TLE4: variants seen among roughly 807,000 people sequenced by gnomAD.
TLE4 encodes the protein transducin-like enhancer protein 4.
TLE4 carries 8 observed loss-of-function variants against 92.8 expected under a neutral mutation model. That is an observed-to-expected ratio of 0.09 (90% confidence interval 0.05 to 0.16). The LOEUF is 0.16. Ranked by LOEUF, TLE4 falls within the 10% of genes least tolerant of loss-of-function variation. The pLI is 1.00. For synonymous variants in TLE4, 371 were observed against 374.1 expected (o/e 0.99, Z 0.10); for missense variants, 675 against 997.6 (o/e 0.68, Z 4.36).
Position 79,639,614 on chromosome 9 carries a change from G to A in TLE4, c.390+12166G>A, listed in dbSNP as rs528197684. On this transcript the variant is annotated intron_variant, in intron 6 of 19. Coordinates refer to ENST00000376552, the MANE Select transcript of TLE4 (RefSeq NM_007005.6). The stretch of plus-strand genomic sequence containing the variant: ...TTTATGATAAGTGCTTTATATAGGT[G>A]TACCATTTTTTATCTTTTATACTGT... Among the ~76,000 whole-genome samples, 6 of 152,120 alleles carry A rather than the reference G, an allele frequency of 3.9e-5. No homozygotes were observed. The East Asian group carries it at 9.7e-4, about 25-fold the overall frequency.
chr9:79,634,794 G>A (rs1257638815), intron 6 of TLE4, among the ~76,000 whole-genome samples: 1 of 152,174 alleles, frequency 6.6e-6, no homozygotes, highest in Non-Finnish European at 1.5e-5. Flanking sequence ...AGGCATTTGT[G>A]ATTTGTCCAT....
At chr9:79,654,032 C>G in intron 7 of TLE4, 27 bp from the exon 8 acceptor site, 2 of 1,613,354 alleles carry the variant, frequency 1.2e-6, no homozygotes, top group Non-Finnish European at 1.7e-6. Context: ...ACTTTATCTG[C>G]TTGTGTTGCT....
chr9:79,606,799 C>T (rs1273872010), intron 4 of TLE4, among the ~76,000 whole-genome samples: 3 of 152,228 alleles, frequency 2.0e-5, no homozygotes, highest in Admixed American at 6.5e-5. Flanking sequence ...GGATTGGTCC[C>T]AAGTCTTTGC....
intron 4 of TLE4, among the ~76,000 whole-genome samples, chr9:79,593,110 A>G (rs2132382467): frequency 6.6e-6 from 1 of 152,288 alleles, no homozygotes; most frequent in Non-Finnish European, 1.5e-5. Context: ...CAGCAGTGAT[A>G]GTAAGGAAAG....
chr9:79,613,957 TCTC>T lies in TLE4; in HGVS notation c.315+1245_315+1247del, dbSNP rs564944830. Among the ~76,000 whole-genome samples the T allele has an allele frequency of 1.3e-4, 20 of 152,214 alleles. No individual in the cohort carries two copies. In the East Asian group the frequency reaches 3.9e-3, roughly 29 times the overall value. On this transcript the variant is annotated intron_variant, in intron 5 of 19. Transcript: ENST00000376552. ...GATAAACAAAGGGTATGTTGTCTTTTCTCCTCCTTTAGCTGTGACCACAAAACC... is the reference window on the plus strand; with the variant it reads ...GATAAACAAAGGGTATGTTGTCTTTTCTCCTTTAGCTGTGACCACAAAACC...
chr9:79,652,758 G>C lies in TLE4; in HGVS notation c.556G>C (p.Asp186His). The C allele has an allele frequency of 6.2e-7, 1 of 1,614,164 alleles. No individual in the cohort carries two copies. Among genetic ancestry groups the C allele is most frequent in the Non-Finnish European group, 8.5e-7 (1 of 1,180,028 alleles). Residue 186 changes from aspartate to histidine, a missense_variant, in exon 7 of 20, where the codon GAT becomes CAT. Coordinates refer to ENST00000376552, the MANE Select transcript of TLE4 (RefSeq NM_007005.6). Reference protein sequence around the residue: ...LGGQSHLPIKDEKKHHDNDHQ... With the variant: ...LGGQSHLPIKHEKKHHDNDHQ... ...AGGTCAGTCCCATCTTCCAATTAAA[G>C]ATGAGAAGAAGCACCATGACAATGA...
intron 8 of TLE4, among the ~76,000 whole-genome samples, chr9:79,666,886 A>G (rs1277253235): frequency 6.6e-6 from 1 of 152,250 alleles, no homozygotes; most frequent in Non-Finnish European, 1.5e-5. Context: ...AAGAGTCCAA[A>G]TGGAGGCCCT....
chr9:79,682,817 A>G (rs984365993), intron 8 of TLE4, among the ~76,000 whole-genome samples: 6 of 152,208 alleles, frequency 3.9e-5, no homozygotes, highest in African/African-American at 1.4e-4. Context: ...CACAGCCATT[A>G]TCTCACCTCC....
intron 6 of TLE4, among the ~76,000 whole-genome samples, chr9:79,633,932 G>T (rs1172868749): frequency 1.3e-5 from 2 of 152,140 alleles, no homozygotes; most frequent in Non-Finnish European, 2.9e-5. Context: ...ACTTAGGTGA[G>T]GTTTTTAAGG....
intron 8 of TLE4, among the ~76,000 whole-genome samples, chr9:79,680,217 A>G (rs2064219755): frequency 6.7e-6 from 1 of 150,374 alleles, no homozygotes; most frequent in Non-Finnish European, 1.5e-5. Flanking sequence ...CAGTATGGCC[A>G]TTTTCATGAT....
At chr9:79,706,713 T>C (rs1446769090) in intron 10 of TLE4, 34 bp from the exon 11 acceptor site, 1 of 1,599,522 alleles carries the variant, frequency 6.3e-7, no homozygotes, top group Non-Finnish European at 8.5e-7. Context: ...AAATGTGCTG[T>C]GCTTGCATTA....
chr9:79,673,696 A>G (rs533166239), intron 8 of TLE4, among the ~76,000 whole-genome samples: 1 of 152,320 alleles, frequency 6.6e-6, no homozygotes, highest in African/African-American at 2.4e-5. Context: ...TGCATTTAAC[A>G]GAGTAATTTC....
At chr9:79,671,478 G>A (rs1224852682) in intron 8 of TLE4, 1 of 308,872 alleles carries the variant, frequency 3.2e-6, no homozygotes, top group Non-Finnish European at 6.7e-6. Flanking sequence ...CTCCAGTGTT[G>A]TAAACCATAA....
At chr9:79,709,842 C>A in intron 14 of TLE4, 143 bp downstream of exon 14, 1 of 622,498 alleles carries the variant, frequency 1.6e-6, no homozygotes, top group Non-Finnish European at 2.6e-6. Flanking sequence ...TTTTCATTTT[C>A]TCTTAGCACA....
At chr9:79,667,134 C>G (rs915730685) in intron 8 of TLE4, among the ~76,000 whole-genome samples, 3 of 152,188 alleles carry the variant, frequency 2.0e-5, no homozygotes, top group Admixed American at 6.5e-5. Context: ...CTTGATCTAA[C>G]CCTGGGAGGC....
Position 79,708,760 on chromosome 9 carries a change from G to A in TLE4, c.1237G>A (p.Ala413Thr). 1 of 1,607,768 alleles carries A rather than the reference G, an allele frequency of 6.2e-7. No individual in the cohort carries two copies. The highest frequency in any genetic ancestry group is 8.5e-7 in the Non-Finnish European group (1 of 1,179,964). ...CGCAGCTGCTGCCGCCGCCGCTGCT[G>A]CTGCTGCCTATGGGAGATCACCAGT... is the stretch of plus-strand genomic sequence containing the variant. ...MSAAAAAAAAAAAYGRSPVVG... is the reference protein window; with the variant it reads ...MSAAAAAAAATAAYGRSPVVG... The change falls in exon 13 of 20, where the codon GCT (alanine) becomes ACT (threonine). Residue 413 changes from alanine to threonine, a missense_variant. Transcript: ENST00000376552.
At chr9:79,669,149 G>A (rs1266145460) in intron 8 of TLE4, among the ~76,000 whole-genome samples, 4 of 152,094 alleles carry the variant, frequency 2.6e-5, no homozygotes, top group African/African-American at 9.7e-5. Flanking sequence ...CCAAATGAAA[G>A]TTCCCCTTGA....
At chr9:79,643,364 A>C (rs1032677812) in intron 6 of TLE4, among the ~76,000 whole-genome samples, 2 of 152,240 alleles carry the variant, frequency 1.3e-5, no homozygotes, top group Admixed American at 6.5e-5. Flanking sequence ...CTGTATAAGC[A>C]TAATACCATT....
intron 8 of TLE4, among the ~76,000 whole-genome samples, chr9:79,662,203 C>A (rs139693960): frequency 1.4e-3 from 207 of 152,254 alleles, no homozygotes; most frequent in African/African-American, 4.6e-3. Flanking sequence ...ATGAGGAATT[C>A]TTTTTCATGG....
Sources: gnomAD v4.1 joint callset for allele counts (sites outside exome capture counted in the v4.1 genomes callset) on GRCh38, gnomAD v4.1.1 for gene constraint, MANE v1.5 for transcripts, NCBI Gene and HGNC (gene_info 2026-07-23, HGNC 2026-07-21) for gene names.